Variants in ESYT3 observed in about 807,000 individuals in gnomAD.
ESYT3 encodes extended synaptotagmin-3.
ESYT3 carries 101 observed loss-of-function variants against 111.5 expected under a neutral mutation model. The observed-to-expected ratio is 0.91, with a 90% CI of 0.77 to 1.07. The LOEUF is 1.07. Ranked by LOEUF, ESYT3 falls within the 50% of genes least tolerant of loss-of-function variation. The pLI is 0.00. For synonymous variants in ESYT3, 416 were observed against 446.8 expected (o/e 0.93, Z 0.87); for missense variants, 1,097 against 1,109.4 (o/e 0.99, Z 0.16).
At chr3:138,452,124 G>C in intron 2 of ESYT3, 35 bp downstream of exon 2, 1 of 1,601,444 alleles carries the variant, frequency 6.2e-7, no homozygotes, top group Non-Finnish European at 8.5e-7. Flanking sequence ...AGGGCCGGAC[G>C]CATGCCAGCC....
intron 14 of ESYT3, 97 bp from the exon 15 acceptor site, chr3:138,469,339 C>G: frequency 1.9e-6 from 2 of 1,056,908 alleles, no homozygotes; most frequent in Non-Finnish European, 2.9e-6. Context: ...CTGGGTGGCC[C>G]CAGTTCCCCC....
chr3:138,479,529 A>G lies in ESYT3; in HGVS notation c.*2675A>G, dbSNP rs1489161877. ...GGCAGGCTGATGTTTGGCTTTGCCA[A>G]TAGGGGGCGATGGAAGGACACTCTA... On this transcript the variant is annotated 3_prime_UTR_variant, in exon 23 of 23. Transcript: ENST00000389567. The G allele has an allele frequency of 6.6e-6, 1 of 152,218 alleles. No homozygotes were observed. The highest frequency in any genetic ancestry group is 1.5e-5 in the Non-Finnish European group (1 of 68,052). 9.4% of individuals were successfully genotyped at this position (152,218 alleles called of 1,614,324 possible).
intron 16 of ESYT3, chr3:138,470,549 C>T: frequency 1.7e-6 from 2 of 1,153,128 alleles, no homozygotes; most frequent in Non-Finnish European, 2.1e-6. Context: ...TCATGACCAA[C>T]AAGTGGTGGA....
At chr3:138,465,527 G>A in intron 10 of ESYT3, 106 bp downstream of exon 10, 2 of 855,872 alleles carry the variant, frequency 2.3e-6, no homozygotes, top group East Asian at 5.4e-5. Flanking sequence ...AACCCGCTGT[G>A]GTCACCCTGA....
intron 8 of ESYT3, 42 bp downstream of exon 8, chr3:138,462,248 C>T (rs75611734): frequency 2.5e-6 from 4 of 1,613,476 alleles, no homozygotes; most frequent in Non-Finnish European, 3.4e-6. Flanking sequence ...TGCTGGGAGG[C>T]AGCGCAAATA....
At chr3:138,459,923 C>T (rs369827819) in intron 5 of ESYT3, 22 bp from the exon 6 acceptor site, 43 of 1,603,928 alleles carry the variant, frequency 2.7e-5, no homozygotes, top group South Asian at 3.3e-5. Context: ...GGGCCCCTCA[C>T]GGGCCCTCTG....
chr3:138,450,941 G>A (rs2031883433), intron 1 of ESYT3, among the ~76,000 whole-genome samples: 1 of 151,908 alleles, frequency 6.6e-6, no homozygotes, highest in Non-Finnish European at 1.5e-5. Flanking sequence ...TCATGTTCAG[G>A]GGACTTGGGG....
rs2032810850 is a variant in ESYT3 at position 138,464,341 on chromosome 3, C to T, written c.916-4C>T. On this transcript the variant is annotated splice_region_variant and splice_polypyrimidine_tract_variant and intron_variant, in intron 8 of 22. Coordinates refer to ENST00000389567, the MANE Select transcript of ESYT3 (RefSeq NM_031913.5). ...TGTGAGCCCTGGGCTTGGACATTTTCCAGGGGGTGATCAGAGTGCACTTGC... is the reference window on the plus strand; with the variant it reads ...TGTGAGCCCTGGGCTTGGACATTTTTCAGGGGGTGATCAGAGTGCACTTGC... 1.2e-6 allele frequency: 2 copies of T among 1,613,704 alleles called. No individual in the cohort carries two copies. The highest frequency in any genetic ancestry group is 1.3e-5 in the African/African-American group (1 of 74,924).
chr3:138,447,818 G>A (rs1049338144), intron 1 of ESYT3, among the ~76,000 whole-genome samples: 8 of 152,050 alleles, frequency 5.3e-5, no homozygotes, highest in East Asian at 1.9e-4. Flanking sequence ...ATATTTAACC[G>A]TGTCAGCCCA....
intron 7 of ESYT3, among the ~76,000 whole-genome samples, chr3:138,461,301 C>T (rs1274647769): frequency 6.6e-6 from 1 of 152,184 alleles, no homozygotes; most frequent in Non-Finnish European, 1.5e-5. Context: ...GGAAGGGGCA[C>T]TGTCACAACA....
chr3:138,461,962 G>A, intron 7 of ESYT3, 124 bp from the exon 8 acceptor site: 1 of 1,417,934 alleles, frequency 7.1e-7, no homozygotes, highest in Non-Finnish European at 9.8e-7. Context: ...GTGGGGTCAG[G>A]GCTGTTCTCT....
chr3:138,475,486 A>G (rs1376453204), intron 20 of ESYT3, among the ~76,000 whole-genome samples: 2 of 152,174 alleles, frequency 1.3e-5, no homozygotes, highest in Non-Finnish European at 2.9e-5. Context: ...GCCTTACTCC[A>G]TAGGAGGTGG....
intron 19 of ESYT3, 71 bp from the exon 20 acceptor site, chr3:138,474,150 C>A: frequency 6.4e-7 from 1 of 1,555,786 alleles, no homozygotes. Flanking sequence ...AACACTGAAA[C>A]TCTCAAATGT....
Position 138,472,354 on chromosome 3 carries a change from T to C in ESYT3, c.1741-9T>C. ...TCAGCTCATAAGCCACCCTCTTATC[T>C]GCTTGCAGTTCCTGCAAGTGGAGGA... is the stretch of plus-strand genomic sequence containing the variant. On this transcript the variant is annotated splice_polypyrimidine_tract_variant and intron_variant, in intron 17 of 22. Coordinates refer to ENST00000389567, the MANE Select transcript of ESYT3 (RefSeq NM_031913.5). 5 of 1,611,994 alleles carry C rather than the reference T, an allele frequency of 3.1e-6. No individual in the cohort carries two copies. The highest frequency in any genetic ancestry group is 4.2e-6 in the Non-Finnish European group (5 of 1,179,098).
At chr3:138,456,626 A>C (rs1281879977) in intron 3 of ESYT3, among the ~76,000 whole-genome samples, 1 of 152,086 alleles carries the variant, frequency 6.6e-6, no homozygotes, top group East Asian at 1.9e-4. Flanking sequence ...AGCGGCATTA[A>C]ATTCTTATAG....
At position 138,475,757 on chromosome 3, in the gene ESYT3, G is replaced by A. The variant is rs372629326; in HGVS notation, c.2469-466G>A. ...AGCCTGACCAACATGGTGAAACCCTGTCTCTACTAAAAACACAAAAAATTA... is the reference window on the plus strand; with the variant it reads ...AGCCTGACCAACATGGTGAAACCCTATCTCTACTAAAAACACAAAAAATTA... On this transcript the variant is annotated intron_variant, in intron 20 of 22. Transcript: ENST00000389567. 3.3e-5 allele frequency among the ~76,000 whole-genome samples: 5 copies of A among 152,220 alleles called. No homozygotes were observed. The East Asian group carries it at 9.7e-4, about 29-fold the overall frequency.
chr3:138,457,016 A>G (rs1030398146), intron 3 of ESYT3, among the ~76,000 whole-genome samples: 7 of 151,938 alleles, frequency 4.6e-5, no homozygotes, highest in African/African-American at 9.7e-5. Context: ...TCCCATTCCC[A>G]TGTCCCCTCC....
chr3:138,446,410 A>T (rs575953248), intron 1 of ESYT3, among the ~76,000 whole-genome samples: 1 of 152,234 alleles, frequency 6.6e-6, no homozygotes, highest in Non-Finnish European at 1.5e-5. Flanking sequence ...AAAATGGGGC[A>T]AATAAGGGAT....
Position 138,468,868 on chromosome 3 carries a change from C to T in ESYT3, c.1421C>T (p.Ser474Phe), listed in dbSNP as rs779462596. ...GGTGAATATCGAGCCAAAAAACTCT[C>T]CAGGTTTGCCAGAGTGAGTGAGTAT... is the stretch of plus-strand genomic sequence containing the variant. ...LNGEYRAKKL[S>F]RFARNKVSKD... is the part of the protein sequence containing the mutation. The change falls in exon 14 of 23, where the codon TCC (serine) becomes TTC (phenylalanine). Residue 474 changes from serine to phenylalanine, a missense_variant. Ser to Phe is a radical substitution (Grantham distance 155). Coordinates refer to ENST00000389567, the MANE Select transcript of ESYT3 (RefSeq NM_031913.5). The T allele has an allele frequency of 3.7e-6, 6 of 1,614,190 alleles. No individual in the cohort carries two copies. The highest frequency in any genetic ancestry group is 1.3e-5 in the African/African-American group (1 of 75,052).
Sources: allele counts gnomAD v4.1 joint callset (sites outside exome capture counted in the v4.1 genomes callset), GRCh38; gene constraint gnomAD v4.1.1; transcripts MANE v1.5; gene names NCBI Gene and HGNC (gene_info 2026-07-23, HGNC 2026-07-21).